Variants in KDELR2 observed in about 807,000 individuals in gnomAD.
The protein encoded by KDELR2 is KDEL endoplasmic reticulum protein retention receptor 2.
KDELR2 carries 15 observed loss-of-function variants against 23.9 expected under a neutral mutation model. That is an observed-to-expected ratio of 0.63 (90% CI 0.42 to 0.97). The LOEUF is 0.97. Ranked by LOEUF, KDELR2 falls within the 50% of genes least tolerant of loss-of-function variation. The pLI, the probability that KDELR2 is intolerant of heterozygous loss-of-function variation, is 0.00. For synonymous variants in KDELR2, 119 were observed against 106.2 expected (o/e 1.12, Z -0.74); for missense variants, 272 against 254.6 (o/e 1.07, Z -0.46).
intron 4 of KDELR2, among the ~76,000 whole-genome samples, chr7:6,465,626 C>T (rs542633030): frequency 1.6e-4 from 24 of 152,148 alleles, no homozygotes; most frequent in Admixed American, 5.9e-4. Context: ...AAACCAGTAA[C>T]GGCCTGACCA....
chr7:6,475,366 G>A (rs1160359819), intron 1 of KDELR2, among the ~76,000 whole-genome samples: 2 of 152,164 alleles, frequency 1.3e-5, no homozygotes, highest in African/African-American at 4.8e-5. Context: ...GGCTGAGGCT[G>A]AGTGAGCTGT....
At chr7:6,483,706 C>T (rs924347755) in intron 1 of KDELR2, among the ~76,000 whole-genome samples, 2 of 152,210 alleles carry the variant, frequency 1.3e-5, no homozygotes, top group African/African-American at 4.8e-5. Context: ...GGGCCCCGCG[C>T]AGCCGGGTGC....
At chr7:6,483,562 C>A (rs1785956056) in intron 1 of KDELR2, among the ~76,000 whole-genome samples, 1 of 152,228 alleles carries the variant, frequency 6.6e-6, no homozygotes, top group African/African-American at 2.4e-5. Flanking sequence ...CCGCCCGTCC[C>A]ATTGATTCGC....
chr7:6,469,138 C>G (rs547217807), intron 3 of KDELR2, among the ~76,000 whole-genome samples: 2 of 150,844 alleles, frequency 1.3e-5, no homozygotes, highest in African/African-American at 4.9e-5. Context: ...TTTTTTAGTA[C>G]AGACGGGGTT....
chr7:6,468,216 A>C (rs1342972718), intron 3 of KDELR2, among the ~76,000 whole-genome samples: 1 of 152,228 alleles, frequency 6.6e-6, no homozygotes, highest in African/African-American at 2.4e-5. Context: ...ACCAGTCATG[A>C]ACATTGCACT....
chr7:6,473,614 A>C (rs954848095), intron 2 of KDELR2, among the ~76,000 whole-genome samples: 5 of 152,238 alleles, frequency 3.3e-5, no homozygotes, highest in Admixed American at 2.0e-4. Flanking sequence ...GAAAGGTTTA[A>C]AAAAATACGT....
intron 1 of KDELR2, among the ~76,000 whole-genome samples, chr7:6,481,641 G>A (rs1168723410): frequency 6.6e-6 from 1 of 152,066 alleles, no homozygotes; most frequent in Non-Finnish European, 1.5e-5. Context: ...GATCGCTTGA[G>A]CCCAGGAGTT....
chr7:6,474,006 A>AGC, intron 2 of KDELR2, 178 bp downstream of exon 2: 1 of 471,840 alleles, frequency 2.1e-6, no homozygotes, highest in South Asian at 4.4e-5. Flanking sequence ...GCTTACTGAT[A>AGC]GCTCGTTTAG....
chr7:6,479,545 C>T (rs899014887), intron 1 of KDELR2, among the ~76,000 whole-genome samples: 2 of 152,138 alleles, frequency 1.3e-5, no homozygotes, highest in African/African-American at 2.4e-5. Flanking sequence ...TGCACAGTCT[C>T]GGCTCGCTGC....
chr7:6,468,461 T>C (rs1423700367), intron 3 of KDELR2, among the ~76,000 whole-genome samples: 2 of 152,144 alleles, frequency 1.3e-5, no homozygotes, highest in East Asian at 1.9e-4. Flanking sequence ...CCTGAGTAGC[T>C]GGGATTACAG....
At position 6,461,457 on chromosome 7, in the gene KDELR2, T is replaced by G. The variant is rs1344692136; in HGVS notation, c.*1684A>C. 2 of 151,872 alleles carry G rather than the reference T, an allele frequency of 1.3e-5. No individual in the cohort carries two copies. The highest frequency in any genetic ancestry group is 4.8e-5 in the African/African-American group (2 of 41,324). 9.4% of individuals were successfully genotyped at this position (151,872 alleles called of 1,614,324 possible). On this transcript the variant is annotated 3_prime_UTR_variant, in exon 5 of 5. Transcript: ENST00000258739. Reference sequence around the variant, plus strand: ...GGTCTGCTCACCTACTGCACCAGACTTCCTAGCCTCCTTCCACACTCCGAA... The same window carrying G: ...GGTCTGCTCACCTACTGCACCAGACGTCCTAGCCTCCTTCCACACTCCGAA...
chr7:6,481,512 T>C (rs969252590), intron 1 of KDELR2, among the ~76,000 whole-genome samples: 3 of 151,810 alleles, frequency 2.0e-5, no homozygotes, highest in Admixed American at 6.6e-5. Flanking sequence ...GAAAAACATA[T>C]GGAAGAAAAT....
At position 6,484,008 on chromosome 7, in the gene KDELR2, A is replaced by T; in HGVS notation, c.50T>A (p.Val17Asp). The change falls in exon 1 of 5, where the codon GTC (valine) becomes GAC (aspartate). Residue 17 changes from valine to aspartate, a missense_variant. Transcript: ENST00000258739. ...TGDLSHLAAI[V>D]ILLLKIWKTR... The stretch of plus-strand genomic sequence containing the variant: ...CTTCCAGATCTTCAGCAGCAGGATG[A>T]CGATGGCCGCCAGGTGGGACAGGTC... 6.5e-7 allele frequency: 1 copy of T among 1,529,752 alleles called. No homozygotes were observed. The highest frequency in any genetic ancestry group is 8.8e-7 in the Non-Finnish European group (1 of 1,135,996). The allele number at this position is 1,529,752 out of a possible 1,614,324, so 94.8% of individuals were successfully genotyped here.
intron 3 of KDELR2, among the ~76,000 whole-genome samples, chr7:6,468,163 C>T (rs138109586): frequency 2.6e-5 from 4 of 152,310 alleles, no homozygotes; most frequent in African/African-American, 9.6e-5. Context: ...TCAGCAGACA[C>T]CTAAATATGT....
At chr7:6,469,283 T>G (rs1406562698) in intron 3 of KDELR2, among the ~76,000 whole-genome samples, 2 of 151,654 alleles carry the variant, frequency 1.3e-5, no homozygotes, top group African/African-American at 4.8e-5. Flanking sequence ...CTCGAGACAG[T>G]CTTGCTCTGT....
chr7:6,466,745 A>G (rs1324366242), intron 3 of KDELR2, among the ~76,000 whole-genome samples: 3 of 151,742 alleles, frequency 2.0e-5, no homozygotes, highest in Non-Finnish European at 4.4e-5. Context: ...ATCAGGCATT[A>G]GATTTTCATA....
intron 1 of KDELR2, among the ~76,000 whole-genome samples, chr7:6,483,344 G>A (rs1785948619): frequency 7.4e-6 from 1 of 134,746 alleles, no homozygotes; most frequent in South Asian, 2.2e-4. Context: ...CCTCCCCAGC[G>A]GTGTGATCCT....
rs1165338180 is a variant in KDELR2 at position 6,471,105 on chromosome 7, ACT to A, written c.193-1353_193-1352del. Among the ~76,000 whole-genome samples the A allele has an allele frequency of 5.2e-5, 6 of 114,666 alleles. 1 individual carries two copies. Among genetic ancestry groups the A allele is most frequent in the African/African-American group, 2.3e-4 (6 of 26,144 alleles). The allele number at this position is 114,666 out of a possible 152,430, so 75.2% of individuals were successfully genotyped here. On this transcript the variant is annotated intron_variant, in intron 2 of 4. Transcript: ENST00000258739. Reference sequence around the variant, plus strand: ...GCACTCCAGCCTGGGTGACAGACTGACTCTGTCTCAAAAAAAATAAAAAATAA... The same window carrying A: ...GCACTCCAGCCTGGGTGACAGACTGACTGTCTCAAAAAAAATAAAAAATAA...
In KDELR2 at chr7:6,466,166, A is replaced by G; in HGVS notation, c.509T>C (p.Phe170Ser). The change falls in exon 4 of 5, where the codon TTC (phenylalanine) becomes TCC (serine). Residue 170 changes from phenylalanine (F) to serine (S), a missense_variant. Transcript: ENST00000258739. Reference protein sequence around the residue: ...ALYLVNWIWRFYFEGFFDLIA... With the variant: ...ALYLVNWIWRSYFEGFFDLIA... ...GAGGTCAAAGAAGCCCTCAAAGTAG[A>G]AGCGCCAGATCCAGTTGACAAGATA... 6.2e-7 allele frequency: 1 copy of G among 1,614,204 alleles called. No homozygotes were observed. The highest frequency in any genetic ancestry group is 8.5e-7 in the Non-Finnish European group (1 of 1,180,024).
Sources: gnomAD v4.1 joint callset for allele counts (sites outside exome capture counted in the v4.1 genomes callset) on GRCh38, gnomAD v4.1.1 for gene constraint, MANE v1.5 for transcripts, NCBI Gene and HGNC (gene_info 2026-07-23, HGNC 2026-07-21) for gene names.